Variants in NRXN3 observed in about 807,000 individuals in gnomAD.
The protein encoded by NRXN3 is neurexin III.
NRXN3 carries 32 observed loss-of-function variants against 137.6 expected under a neutral mutation model. That is an observed-to-expected ratio of 0.23 (90% CI 0.18 to 0.31). The LOEUF is 0.31. Ranked by LOEUF, NRXN3 falls within the 10% of genes least tolerant of loss-of-function variation. The pLI is 1.00. For synonymous variants in NRXN3, 798 were observed against 784.5 expected (o/e 1.02, Z -0.29); for missense variants, 1,574 against 2,062.5 (o/e 0.76, Z 4.59).
At chr14:79,285,302 A>G (rs1290806475) in intron 15 of NRXN3, among the ~76,000 whole-genome samples, 1 of 152,216 alleles carries the variant, frequency 6.6e-6, no homozygotes, top group Non-Finnish European at 1.5e-5. Flanking sequence ...TTCATTTTAC[A>G]TTTTAGTAAA....
chr14:78,687,779 G>A lies in NRXN3; in HGVS notation c.1222-21438G>A, dbSNP rs79649228. On this transcript the variant is annotated intron_variant, in intron 6 of 20. Coordinates refer to ENST00000335750, the MANE Select transcript of NRXN3 (RefSeq NM_001330195.2). ...TGGGAGTGATTAAGCATTTGGCCTCGACATGACACATAACACTTCTGCTCA... is the reference window on the plus strand; with the variant it reads ...TGGGAGTGATTAAGCATTTGGCCTCAACATGACACATAACACTTCTGCTCA... 7.7e-3 allele frequency among the ~76,000 whole-genome samples: 1,173 copies of A among 152,262 alleles called. 19 individuals are homozygous for A. Among genetic ancestry groups the A allele is most frequent in the African/African-American group, 0.027 (1,123 of 41,538 alleles).
At chr14:78,209,713 T>G (rs2062561323) in intron 1 of NRXN3, among the ~76,000 whole-genome samples, 1 of 152,130 alleles carries the variant, frequency 6.6e-6, no homozygotes. Flanking sequence ...CCTCAACATG[T>G]GGAGATTATG....
At chr14:79,758,110 C>T (rs1005930055) in intron 19 of NRXN3, among the ~76,000 whole-genome samples, 1 of 152,100 alleles carries the variant, frequency 6.6e-6, no homozygotes, top group African/African-American at 2.4e-5. Flanking sequence ...AATAGAATTA[C>T]CTTCATGGAG....
At chr14:78,694,793 A>G (rs2098209510) in intron 6 of NRXN3, among the ~76,000 whole-genome samples, 1 of 151,862 alleles carries the variant, frequency 6.6e-6, no homozygotes, top group Non-Finnish European at 1.5e-5. Context: ...TTTCTCCATA[A>G]ACCTGACCAG....
intron 16 of NRXN3, among the ~76,000 whole-genome samples, chr14:79,567,756 T>A (rs2097563699): frequency 1.3e-5 from 2 of 152,162 alleles, no homozygotes; most frequent in South Asian, 4.1e-4. Context: ...GTTTTAGATA[T>A]TTTTTAACTG....
intron 19 of NRXN3, among the ~76,000 whole-genome samples, chr14:79,753,036 G>T (rs368012134): frequency 6.6e-6 from 1 of 150,860 alleles, no homozygotes; most frequent in Non-Finnish European, 1.5e-5. Flanking sequence ...TCTCACACCA[G>T]TTAGAATGGC....
intron 1 of NRXN3, among the ~76,000 whole-genome samples, chr14:78,208,981 ACTT>A (rs34954062): frequency 0.11 from 16,236 of 152,188 alleles, 1,077 homozygotes; most frequent in East Asian, 0.17. Flanking sequence ...AGTTAACTGA[ACTT>A]CTGGGCCTCA....
chr14:79,775,646 T>G (rs1198445429), intron 19 of NRXN3, among the ~76,000 whole-genome samples: 2 of 151,046 alleles, frequency 1.3e-5, no homozygotes, highest in Admixed American at 6.6e-5. Context: ...GAGTTCTAGA[T>G]GCCCATTTTA....
chr14:78,973,404 A>G (rs564357342), intron 14 of NRXN3, among the ~76,000 whole-genome samples: 1 of 152,314 alleles, frequency 6.6e-6, no homozygotes, highest in African/African-American at 2.4e-5. Flanking sequence ...TTTATGAAAG[A>G]GAATGTCATT....
intron 4 of NRXN3, among the ~76,000 whole-genome samples, chr14:78,303,443 A>G (rs971454308): frequency 1.3e-5 from 2 of 152,154 alleles, no homozygotes; most frequent in African/African-American, 4.8e-5. Flanking sequence ...AGGACTCAAA[A>G]TCTCTAATCC....
At chr14:79,140,469 T>C (rs2058680846) in intron 15 of NRXN3, among the ~76,000 whole-genome samples, 1 of 152,158 alleles carries the variant, frequency 6.6e-6, no homozygotes. Context: ...AGGACTTTTC[T>C]TAATGTTGGT....
At chr14:78,419,924 T>C (rs1049469196) in intron 4 of NRXN3, among the ~76,000 whole-genome samples, 1 of 151,394 alleles carries the variant, frequency 6.6e-6, no homozygotes, top group Non-Finnish European at 1.5e-5. Flanking sequence ...GTAATGTATA[T>C]ATATCTGTGT....
At chr14:79,087,538 G>C (rs928682402) in intron 15 of NRXN3, among the ~76,000 whole-genome samples, 7 of 152,168 alleles carry the variant, frequency 4.6e-5, no homozygotes, top group Admixed American at 2.6e-4. Flanking sequence ...AACAGTGCCA[G>C]GTATGAATAG....
chr14:78,470,308 A>G (rs1308318838), intron 4 of NRXN3, among the ~76,000 whole-genome samples: 1 of 152,178 alleles, frequency 6.6e-6, no homozygotes, highest in Non-Finnish European at 1.5e-5. Flanking sequence ...TTCTCTGAGG[A>G]TGGGACTCAG....
chr14:79,524,175 A>C (rs1226425581), intron 16 of NRXN3, among the ~76,000 whole-genome samples: 2 of 152,216 alleles, frequency 1.3e-5, no homozygotes, highest in African/African-American at 4.8e-5. Context: ...GGATGTTTCC[A>C]GTGGACCTTG....
At chr14:79,115,085 G>A (rs559948591) in intron 15 of NRXN3, among the ~76,000 whole-genome samples, 2 of 152,144 alleles carry the variant, frequency 1.3e-5, no homozygotes, top group Admixed American at 1.3e-4. Flanking sequence ...CAGCACTTTG[G>A]GAGGCCACAG....
At chr14:78,530,890 A>C (rs2096452795) in intron 4 of NRXN3, among the ~76,000 whole-genome samples, 1 of 152,192 alleles carries the variant, frequency 6.6e-6, no homozygotes, top group Non-Finnish European at 1.5e-5. Context: ...GCCTTTCCTA[A>C]GAACTCATTT....
chr14:78,894,935 C>T (rs1281855887), intron 10 of NRXN3, among the ~76,000 whole-genome samples: 1 of 150,772 alleles, frequency 6.6e-6, no homozygotes, highest in Non-Finnish European at 1.5e-5. Context: ...CAATAGTAGG[C>T]TTAAAGTATT....
chr14:78,250,140 G>T, intron 2 of NRXN3: 7 of 512,456 alleles, frequency 1.4e-5, no homozygotes, highest in Non-Finnish European at 2.7e-5. Flanking sequence ...GCCCAAGATT[G>T]TGCAGGTATT....
Sources: gnomAD v4.1 joint callset for allele counts (sites outside exome capture counted in the v4.1 genomes callset) on GRCh38, gnomAD v4.1.1 for gene constraint, MANE v1.5 for transcripts, NCBI Gene and HGNC (gene_info 2026-07-23, HGNC 2026-07-21) for gene names.